The following NUBPL variants were observed in gnomAD, a reference collection of about 807,000 sequenced individuals.
NUBPL encodes the protein iron-sulfur cluster transfer protein NUBPL.
A neutral mutation model predicts 45.7 loss-of-function variants in NUBPL; 31 were observed. That is an observed-to-expected ratio of 0.68 (90% CI 0.51 to 0.92). The LOEUF (loss-of-function observed/expected upper bound fraction) is 0.92. Among genes scored for constraint, NUBPL ranks in the 40% least tolerant of loss-of-function variants. The pLI is 0.00. For missense variants in NUBPL, 401 were observed against 398.7 expected (o/e 1.01, Z -0.05); for synonymous variants, 144 against 140.9 (o/e 1.02, Z -0.15).
intron 6 of NUBPL, among the ~76,000 whole-genome samples, chr14:31,693,943 C>T (rs1039983248): frequency 4.0e-5 from 6 of 150,330 alleles, no homozygotes; most frequent in African/African-American, 1.5e-4. Context: ...GTAAGCTCCG[C>T]CTCCTGGGTT....
At chr14:31,615,655 C>A (rs751949389) in intron 4 of NUBPL, among the ~76,000 whole-genome samples, 1 of 152,190 alleles carries the variant, frequency 6.6e-6, no homozygotes, top group Non-Finnish European at 1.5e-5. Context: ...CATAATATTT[C>A]ATGATATATA....
At chr14:31,712,127 C>G (rs1050046952) in intron 6 of NUBPL, among the ~76,000 whole-genome samples, 2 of 152,226 alleles carry the variant, frequency 1.3e-5, no homozygotes, top group African/African-American at 2.4e-5. Context: ...ATTCCCTTAT[C>G]TGGCCCCACC....
intron 7 of NUBPL, among the ~76,000 whole-genome samples, chr14:31,825,657 T>TTC: frequency 7.7e-6 from 1 of 129,282 alleles, no homozygotes; most frequent in African/African-American, 3.2e-5. Flanking sequence ...CTTTCCTTTT[T>TTC]CCTTTTCCTT....
chr14:31,687,292 A>G (rs998021473), intron 6 of NUBPL, among the ~76,000 whole-genome samples: 1 of 152,238 alleles, frequency 6.6e-6, no homozygotes, highest in African/African-American at 2.4e-5. Flanking sequence ...CATGTATCTT[A>G]GAAATATCAA....
At chr14:31,599,095 T>G in intron 3 of NUBPL, 194 bp from the exon 4 acceptor site, 1 of 611,742 alleles carries the variant, frequency 1.6e-6, no homozygotes, top group Non-Finnish European at 2.9e-6. Context: ...TAAAAAGTAT[T>G]GACCCTAAGC....
chr14:31,835,314 T>C (rs2040264452), intron 8 of NUBPL, among the ~76,000 whole-genome samples: 1 of 152,226 alleles, frequency 6.6e-6, no homozygotes, highest in Non-Finnish European at 1.5e-5. Flanking sequence ...AGTCTCTATC[T>C]AGTTGTCATC....
At chr14:31,691,716 AGAGTAG>A (rs966780592) in intron 6 of NUBPL, among the ~76,000 whole-genome samples, 1 of 152,204 alleles carries the variant, frequency 6.6e-6, no homozygotes, top group Non-Finnish European at 1.5e-5. Flanking sequence ...GGCGAACATT[AGAGTAG>A]GAGGTGGGGT....
intron 6 of NUBPL, among the ~76,000 whole-genome samples, chr14:31,709,867 G>A (rs2037532420): frequency 1.3e-5 from 2 of 152,278 alleles, no homozygotes; most frequent in African/African-American, 4.8e-5. Context: ...GAGGATTATC[G>A]TTAATAGGAC....
intron 3 of NUBPL, among the ~76,000 whole-genome samples, chr14:31,567,823 A>C (rs2139453415): frequency 6.6e-6 from 1 of 152,242 alleles, no homozygotes; most frequent in Non-Finnish European, 1.5e-5. Flanking sequence ...CTTGAGCCCC[A>C]CCCTAGGCTT....
intron 2 of NUBPL, among the ~76,000 whole-genome samples, chr14:31,564,288 C>T (rs976669349): frequency 5.9e-5 from 9 of 152,052 alleles, no homozygotes; most frequent in African/African-American, 2.2e-4. Flanking sequence ...ACTCTCTTAC[C>T]TTTTACCCTT....
intron 6 of NUBPL, among the ~76,000 whole-genome samples, chr14:31,741,253 C>T (rs1223918666): frequency 6.6e-6 from 1 of 152,040 alleles, no homozygotes; most frequent in East Asian, 1.9e-4. Context: ...GTGCAGGGGG[C>T]AGGGGGAATA....
chr14:31,704,678 T>G (rs1400619422), intron 6 of NUBPL, among the ~76,000 whole-genome samples: 1 of 151,076 alleles, frequency 6.6e-6, no homozygotes, highest in Non-Finnish European at 1.5e-5. Flanking sequence ...AAAAAAAAAG[T>G]GTAATCCTTC....
chr14:31,850,354 T>C lies in NUBPL; in HGVS notation c.897+153T>C, dbSNP rs1269597122. On this transcript the variant is annotated intron_variant, in intron 10 of 10. Coordinates refer to ENST00000281081, the MANE Select transcript of NUBPL (RefSeq NM_025152.3). ...TGTCCAAAGCATCTTTAAGTTACTG[T>C]CATGTACAGTAAGCTTCCAGTGCTG... is the stretch of plus-strand genomic sequence containing the variant. Among the ~76,000 whole-genome samples the C allele has an allele frequency of 2.0e-5, 3 of 152,216 alleles. No individual in the cohort carries two copies. The East Asian group carries it at 5.8e-4, about 29-fold the overall frequency.
chr14:31,757,052 C>T (rs1384904542), intron 6 of NUBPL, among the ~76,000 whole-genome samples: 1 of 151,896 alleles, frequency 6.6e-6, no homozygotes, highest in East Asian at 1.9e-4. Context: ...GGATGAAGCC[C>T]ACTTGATTAT....
intron 7 of NUBPL, among the ~76,000 whole-genome samples, chr14:31,820,408 T>G (rs913684853): frequency 6.6e-6 from 1 of 152,134 alleles, no homozygotes; most frequent in African/African-American, 2.4e-5. Context: ...TGGGAAAAAT[T>G]TAAATTTAAC....
At chr14:31,725,380 A>G (rs532272015) in intron 6 of NUBPL, among the ~76,000 whole-genome samples, 1 of 152,328 alleles carries the variant, frequency 6.6e-6, no homozygotes, top group African/African-American at 2.4e-5. Flanking sequence ...AATGAGATAC[A>G]GGCTGAGTAT....
intron 6 of NUBPL, among the ~76,000 whole-genome samples, chr14:31,719,161 C>G (rs2037753202): frequency 6.6e-6 from 1 of 152,168 alleles, no homozygotes; most frequent in Non-Finnish European, 1.5e-5. Flanking sequence ...ACCCTCATGA[C>G]TGAATAGCTG....
intron 4 of NUBPL, among the ~76,000 whole-genome samples, chr14:31,618,869 C>G (rs1006905310): frequency 1.3e-5 from 2 of 152,138 alleles, no homozygotes; most frequent in Non-Finnish European, 2.9e-5. Flanking sequence ...GTAGATCTGT[C>G]TAATATTGAC....
rs77590189 is a variant in NUBPL, at chr14:31,590,725, C to A, written c.292-8564C>A. 2.7e-3 allele frequency among the ~76,000 whole-genome samples: 417 copies of A among 152,280 alleles called. 2 individuals are homozygous for A. Among genetic ancestry groups the A allele is most frequent in the African/African-American group, 9.4e-3 (391 of 41,544 alleles). On this transcript the variant is annotated intron_variant, in intron 3 of 10. Coordinates refer to ENST00000281081, the MANE Select transcript of NUBPL (RefSeq NM_025152.3). ...AGGCTTTGATTCTGGCAACAAATGA[C>A]TAGTTGATATCACAGATAACTATGA...
Sources: gnomAD v4.1 joint callset for allele counts (sites outside exome capture counted in the v4.1 genomes callset) on GRCh38, gnomAD v4.1.1 for gene constraint, MANE v1.5 for transcripts, NCBI Gene and HGNC (gene_info 2026-07-23, HGNC 2026-07-21) for gene names.